The following LITAF variants were observed in gnomAD, a reference collection of about 807,000 sequenced individuals.
The protein encoded by LITAF is lipopolysaccharide induced TNF factor, also known as lipopolysaccharide-induced tumor necrosis factor-alpha factor.
Under a neutral mutation model 14.5 loss-of-function variants are expected in LITAF, and 9 were observed. The observed-to-expected ratio is 0.62, with a 90% confidence interval of 0.37 to 1.08. The LOEUF is 1.08. Ranked by LOEUF, LITAF falls within the 50% of genes least tolerant of loss-of-function variation. LITAF has a pLI of 0.01. For missense variants in LITAF, 206 were observed against 213.4 expected (o/e 0.97, Z 0.22); for synonymous variants, 98 against 88.2 (o/e 1.11, Z -0.62).
chr16:11,576,724 A>G (rs1014682067), intron 1 of LITAF, among the ~76,000 whole-genome samples: 2 of 152,150 alleles, frequency 1.3e-5, no homozygotes, highest in Non-Finnish European at 2.9e-5. Flanking sequence ...CACCAGCAGA[A>G]CCCAGCGTGC....
intron 1 of LITAF, among the ~76,000 whole-genome samples, chr16:11,593,030 G>C (rs1490493310): frequency 6.6e-6 from 1 of 152,100 alleles, no homozygotes; most frequent in Non-Finnish European, 1.5e-5. Context: ...AATTAGCCGG[G>C]CGTTATGGCA....
chr16:11,553,739 A>C lies in LITAF; in HGVS notation c.221-50T>G. 6.2e-7 allele frequency: 1 copy of C among 1,603,130 alleles called. No individual in the cohort carries two copies. ...ACAGGTTGCTCAGGAAACAAGGCCA[A>C]TAGCATTCACTACAGGACAAAGAGA... On this transcript the variant is annotated intron_variant, in intron 2 of 3. Transcript: ENST00000622633. This position sits in a 1 kb window ranked among gnomAD's most constrained non-coding sequence, Gnocchi z 7.7.
intron 3 of LITAF, among the ~76,000 whole-genome samples, chr16:11,604,147 TAGTG>T (rs2064942577): frequency 6.6e-6 from 1 of 150,994 alleles, no homozygotes; most frequent in East Asian, 2.0e-4. Flanking sequence ...TTAGGCAACA[TAGTG>T]AGACACTGGA....
At chr16:11,621,837 C>T (rs1171530714) in intron 3 of LITAF, among the ~76,000 whole-genome samples, 1 of 152,108 alleles carries the variant, frequency 6.6e-6, no homozygotes. Flanking sequence ...ATCCTAAGAT[C>T]CTGCTCTCAG....
At position 11,607,678 on chromosome 16, in the gene LITAF, CA is replaced by C. The variant is rs976380852; in HGVS notation, c.85+25854del. On this transcript the variant is annotated intron_variant, in intron 3 of 3. Coordinates refer to the LITAF transcript ENST00000574848. ...TGGAAAAAGGCAAGGGTTGTGAATG[CA>C]AAAAAAAATTTAATAAATACAGGCA... Among the ~76,000 whole-genome samples, 7 of 150,956 alleles carry C rather than the reference CA, an allele frequency of 4.6e-5. No individual in the cohort carries two copies. In the East Asian group the frequency reaches 5.8e-4, roughly 13 times the overall value.
chr16:11,590,282 T>C (rs969206435), upstream of LITAF, among the ~76,000 whole-genome samples: 1 of 117,738 alleles, frequency 8.5e-6, no homozygotes, highest in African/African-American at 4.0e-5. Flanking sequence ...GACCAGAAGA[T>C]TTAATATAGT....
chr16:11,557,400 G>C (rs1452995826), intron 1 of LITAF, among the ~76,000 whole-genome samples: 3 of 152,134 alleles, frequency 2.0e-5, no homozygotes, highest in African/African-American at 7.2e-5. Flanking sequence ...AAAAATCTCA[G>C]TTGTACAATT....
intron 3 of LITAF, among the ~76,000 whole-genome samples, chr16:11,607,569 T>C (rs1034414710): frequency 1.3e-5 from 2 of 152,106 alleles, no homozygotes; most frequent in African/African-American, 4.8e-5. Flanking sequence ...GTTCCTTCCT[T>C]CTTATTGTTT....
intron 3 of LITAF, among the ~76,000 whole-genome samples, chr16:11,603,639 G>C (rs2064939834): frequency 6.6e-6 from 1 of 152,192 alleles, no homozygotes; most frequent in South Asian, 2.1e-4. Context: ...GAAATGGTTC[G>C]GAAAATCCGC....
chr16:11,569,305 T>C (rs2064505761), intron 1 of LITAF, among the ~76,000 whole-genome samples: 1 of 152,034 alleles, frequency 6.6e-6, no homozygotes, highest in Non-Finnish European at 1.5e-5. Context: ...CAGTGGCACC[T>C]GCATAGCTCA....
chr16:11,596,526 G>C (rs539610962), intron 1 of LITAF, among the ~76,000 whole-genome samples: 1 of 79,274 alleles, frequency 1.3e-5, no homozygotes, highest in Admixed American at 1.2e-4. Flanking sequence ...AGGAGAAGAA[G>C]GGGGAGGAAT....
intron 1 of LITAF, among the ~76,000 whole-genome samples, chr16:11,576,088 T>G (rs573812432): frequency 3.3e-5 from 5 of 152,312 alleles, no homozygotes; most frequent in African/African-American, 9.6e-5. Flanking sequence ...GGGGTCTCAC[T>G]ATGTTGCCCA....
intron 1 of LITAF, among the ~76,000 whole-genome samples, chr16:11,580,902 T>C (rs12446567): frequency 0.16 from 24,849 of 152,176 alleles, 2,146 homozygotes; most frequent in South Asian, 0.23. Context: ...GTGGCTGGGA[T>C]CACAGGCATG....
At chr16:11,637,565 C>T (rs955317833), upstream of LITAF, among the ~76,000 whole-genome samples, 1 of 152,182 alleles carries the variant, frequency 6.6e-6, no homozygotes, top group Admixed American at 6.5e-5. Context: ...CAGTGCCTGC[C>T]CATGAGGGGC....
chr16:11,550,336 C>T (rs568923295), intron 3 of LITAF, among the ~76,000 whole-genome samples: 93 of 152,264 alleles, frequency 6.1e-4, no homozygotes, highest in Admixed American at 1.2e-3. Flanking sequence ...GTGATCCACC[C>T]GCCTTGGCCT....
rs1210293288 is a variant in LITAF, at chr16:11,549,498, T to TC, written c.*138dup. On this transcript the variant is annotated 3_prime_UTR_variant, in exon 4 of 4. Transcript: ENST00000622633. This position sits in a 1 kb window ranked among gnomAD's most constrained non-coding sequence, Gnocchi z 4.6. The stretch of plus-strand genomic sequence containing the variant: ...GAGATTTGTTAGTTTTGCGACGTAT[T>TC]CCCCCCAAAAGAAGACATGAAGGTG... 1 of 711,388 alleles carries TC rather than the reference T, an allele frequency of 1.4e-6. No homozygotes were observed. 44.1% of individuals were successfully genotyped at this position (711,388 alleles called of 1,614,324 possible).
chr16:11,570,680 G>C (rs1196901756), intron 1 of LITAF, among the ~76,000 whole-genome samples: 1 of 152,130 alleles, frequency 6.6e-6, no homozygotes, highest in African/African-American at 2.4e-5. Context: ...TAATCACAAA[G>C]GTCCTTATAA....
chr16:11,573,553 G>C (rs1348753924), intron 1 of LITAF, among the ~76,000 whole-genome samples: 1 of 152,116 alleles, frequency 6.6e-6, no homozygotes, highest in Non-Finnish European at 1.5e-5. Context: ...TACCAATCAG[G>C]GATGGTCCCT....
At chr16:11,592,020 C>A (rs2064849993), upstream of LITAF, among the ~76,000 whole-genome samples, 1 of 152,186 alleles carries the variant, frequency 6.6e-6, no homozygotes, top group East Asian at 1.9e-4. Flanking sequence ...CAGCATAAAT[C>A]TTCATGACCT....
Sources: allele counts gnomAD v4.1 joint callset (sites outside exome capture counted in the v4.1 genomes callset), GRCh38; gene constraint gnomAD v4.1.1; non-coding constraint Gnocchi (gnomAD v3.1); transcripts MANE v1.5; gene names NCBI Gene and HGNC (gene_info 2026-07-23, HGNC 2026-07-21).